The following SMG7 variants were observed in gnomAD, a reference collection of about 807,000 sequenced individuals.
The protein encoded by SMG7 is nonsense-mediated mRNA decay factor SMG7.
SMG7 carries 34 observed loss-of-function variants against 148.2 expected under a neutral mutation model. The ratio of observed to expected loss-of-function variants is 0.23; its 90% CI spans 0.17 to 0.31. SMG7 has a LOEUF of 0.31. SMG7 is among the 10% of genes least tolerant of loss of function. SMG7 has a pLI of 1.00. For synonymous variants in SMG7, 492 were observed against 515.1 expected (o/e 0.96, Z 0.61); for missense variants, 1,114 against 1,408.4 (o/e 0.79, Z 3.35).
chr1:183,513,725 T>C (rs1370537569), intron 2 of SMG7, among the ~76,000 whole-genome samples: 7 of 152,012 alleles, frequency 4.6e-5, no homozygotes, highest in African/African-American at 1.7e-4. Context: ...CTGCCAGGCT[T>C]AGCCATTGAA....
intron 1 of SMG7, among the ~76,000 whole-genome samples, chr1:183,494,766 T>TC (rs1658034634): frequency 8.0e-6 from 1 of 124,832 alleles, no homozygotes; most frequent in Non-Finnish European, 1.7e-5. Context: ...CTTTTTTTTT[T>TC]TTTTTTTTTT....
chr1:183,494,072 C>T (rs1249535942), intron 1 of SMG7, among the ~76,000 whole-genome samples: 1 of 152,104 alleles, frequency 6.6e-6, no homozygotes, highest in African/African-American at 2.4e-5. Flanking sequence ...ACTGCAGTCT[C>T]AATCACCTGG....
At chr1:183,505,209 CTCT>C (rs1660633979) in intron 1 of SMG7, among the ~76,000 whole-genome samples, 1 of 152,096 alleles carries the variant, frequency 6.6e-6, no homozygotes, top group Non-Finnish European at 1.5e-5. Flanking sequence ...AAACTTCTCC[CTCT>C]TATTTGTTCC....
chr1:183,540,778 A>G (rs542312206), intron 12 of SMG7, among the ~76,000 whole-genome samples: 1 of 152,336 alleles, frequency 6.6e-6, no homozygotes, highest in South Asian at 2.1e-4. Flanking sequence ...AATGTAATGA[A>G]TTTGTATATT....
intron 18 of SMG7, among the ~76,000 whole-genome samples, chr1:183,547,849 ATC>A (rs1670198913): frequency 6.6e-6 from 1 of 152,100 alleles, no homozygotes; most frequent in Non-Finnish European, 1.5e-5. Context: ...AATAACTAGA[ATC>A]ACATAAAATA....
At chr1:183,540,459 C>A (rs1668617629) in intron 12 of SMG7, among the ~76,000 whole-genome samples, 1 of 150,896 alleles carries the variant, frequency 6.6e-6, no homozygotes. Context: ...TCTGAAAAAT[C>A]TTTATTTTTT....
chr1:183,507,163 G>A (rs547905981), intron 1 of SMG7, among the ~76,000 whole-genome samples: 38 of 152,268 alleles, frequency 2.5e-4, no homozygotes, highest in African/African-American at 8.9e-4. Flanking sequence ...ACAGGCGTGA[G>A]CCAGTGCCCA....
At position 183,526,661 on chromosome 1, in the gene SMG7, G is replaced by A; in HGVS notation, c.378G>A (p.Leu126=). 6 of 1,613,308 alleles carry A rather than the reference G, an allele frequency of 3.7e-6. No homozygotes were observed. Among genetic ancestry groups the A allele is most frequent in the Non-Finnish European group, 5.1e-6 (6 of 1,179,424 alleles). The change falls in exon 5 of 23, where the codon TTG becomes TTA. Residue 126 remains leucine, a synonymous_variant. Coordinates refer to ENST00000688051, the MANE Select transcript of SMG7 (RefSeq NM_001375584.1). ...DLPCRVKSSQ[L]GIISNKQTHT... ...CATGCCGTGTGAAGTCTTCCCAATT[G>A]GGAATTATCAGCAATAAACAGACGC...
intron 10 of SMG7, among the ~76,000 whole-genome samples, chr1:183,534,691 T>C (rs1057063110): frequency 1.3e-5 from 2 of 151,984 alleles, no homozygotes; most frequent in Non-Finnish European, 2.9e-5. Flanking sequence ...TGAAACCCCA[T>C]CTCTTTTACT....
At chr1:183,479,547 T>C (rs1274223566) in intron 1 of SMG7, among the ~76,000 whole-genome samples, 1 of 152,192 alleles carries the variant, frequency 6.6e-6, no homozygotes, top group East Asian at 1.9e-4. Context: ...GATTGGATTT[T>C]CTTTTCAGTT....
At chr1:183,548,524 A>G (rs1049510998) in intron 18 of SMG7, among the ~76,000 whole-genome samples, 5 of 152,118 alleles carry the variant, frequency 3.3e-5, no homozygotes, top group Admixed American at 2.0e-4. Flanking sequence ...AAAGACAACA[A>G]TGAATAAAAA....
chr1:183,473,805 G>T (rs995883191), intron 1 of SMG7: 8 of 985,258 alleles, frequency 8.1e-6, no homozygotes, highest in Non-Finnish European at 9.6e-6. Flanking sequence ...AGTTGGATGA[G>T]GTGGAAGTCT....
At position 183,553,608 on chromosome 1, in the gene SMG7, G is replaced by GCCCC. The variant is rs3832026; in HGVS notation, c.*1682_*1685dup. 3.1e-3 allele frequency: 400 copies of GCCCC among 127,848 alleles called. 9 individuals carry two copies. Among genetic ancestry groups the GCCCC allele is most frequent in the Non-Finnish European group, 4.6e-3 (271 of 58,934 alleles). 7.9% of individuals were successfully genotyped at this position (127,848 alleles called of 1,614,324 possible). On this transcript the variant is annotated 3_prime_UTR_variant, in exon 23 of 23. Transcript: ENST00000688051. ...TTGCTCTTCAGAGAGAGTGGTTGGAGCCCCCCCCGCCCCGTATGCTTACAT... is the reference window on the plus strand; with the variant it reads ...TTGCTCTTCAGAGAGAGTGGTTGGAGCCCCCCCCCCCCGCCCCGTATGCTTACAT...
intron 22 of SMG7, 148 bp downstream of exon 22, chr1:183,551,338 C>T (rs1671018307): frequency 2.8e-6 from 2 of 705,920 alleles, no homozygotes; most frequent in African/African-American, 3.7e-5. Context: ...CATGGTCTGC[C>T]TTACAAGATT....
intron 1 of SMG7, among the ~76,000 whole-genome samples, chr1:183,487,720 C>G (rs909374180): frequency 6.6e-6 from 1 of 152,222 alleles, no homozygotes; most frequent in Admixed American, 6.5e-5. Context: ...CACTTTCTCT[C>G]ATTAGTTCAC....
chr1:183,496,553 C>T (rs889902003), intron 1 of SMG7, among the ~76,000 whole-genome samples: 2 of 152,184 alleles, frequency 1.3e-5, no homozygotes, highest in African/African-American at 4.8e-5. Context: ...GTGATTAGTT[C>T]TCAGGCCTCA....
chr1:183,534,420 A>C (rs569721877), intron 10 of SMG7, among the ~76,000 whole-genome samples: 3 of 152,258 alleles, frequency 2.0e-5, no homozygotes, highest in Non-Finnish European at 4.4e-5. Context: ...AATACTTCCA[A>C]GGTGGCTTGG....
chr1:183,533,715 A>C lies in SMG7; in HGVS notation c.1046A>C (p.Asn349Thr), dbSNP rs746673974. 6.2e-7 allele frequency: 1 copy of C among 1,613,450 alleles called. No individual in the cohort carries two copies. Among genetic ancestry groups the C allele is most frequent in the East Asian group, 2.2e-5 (1 of 44,874 alleles). Residue 349 changes from asparagine to threonine, a missense_variant, in exon 10 of 23, where the codon AAT becomes ACT. This residue lies in a region of SMG7 where 102 missense variants were observed against 147.2 expected (regional missense o/e 0.69). Transcript: ENST00000688051. The part of the protein sequence containing the change: ...LGILCKCPLQ[N>T]ESQEESYNAY... ...ATCCTGTGCAAGTGTCCTCTACAGA[A>C]TGAGTCTCAGGAGGAGTCCTACAAT...
chr1:183,542,950 T>C (rs9425305), intron 14 of SMG7, among the ~76,000 whole-genome samples: 33,935 of 149,128 alleles, frequency 0.23, 4,631 homozygotes, highest in Non-Finnish European at 0.32. Context: ...TGTGTGTGTG[T>C]GTGTGTGTGT....
Sources: gnomAD v4.1 joint callset for allele counts (sites outside exome capture counted in the v4.1 genomes callset) on GRCh38, gnomAD v4.1.1 for gene constraint, gnomAD v4.1.1 regional missense constraint, MANE v1.5 for transcripts, NCBI Gene and HGNC (gene_info 2026-07-23, HGNC 2026-07-21) for gene names.